COMMD1: variants seen among roughly 807,000 people sequenced by gnomAD.
The protein encoded by COMMD1 is COMM domain-containing protein 1.
A neutral mutation model predicts 17.2 loss-of-function variants in COMMD1; 10 were observed. The observed-to-expected ratio is 0.58, with a 90% CI of 0.36 to 0.99. The LOEUF (loss-of-function observed/expected upper bound fraction) is 0.99, where lower values mean the gene tolerates loss of function less well. Among genes scored for constraint, COMMD1 ranks in the 50% least tolerant of loss-of-function variants. The pLI is 0.01. For missense variants in COMMD1, 270 were observed against 231.8 expected, an observed-to-expected ratio of 1.17 and a Z score of -1.07; for synonymous variants, 97 against 91.6, an observed-to-expected ratio of 1.06 and a Z score of -0.34.
intron 1 of COMMD1, 96 bp downstream of exon 1, chr2:61,905,954 C>CTTTCGGCTTGTGA: frequency 1.6e-6 from 2 of 1,281,638 alleles, no homozygotes; most frequent in Non-Finnish European, 2.2e-6. Context: ...CCTCACAAGC[C>CTTTCGGCTTGTGA]GAAAGGCTTT....
chr2:61,975,241 G>A (rs1251194120), intron 1 of COMMD1, among the ~76,000 whole-genome samples: 3 of 147,554 alleles, frequency 2.0e-5, no homozygotes, highest in African/African-American at 5.0e-5. Flanking sequence ...GATATACTCC[G>A]GTTTTATTTA....
intron 2 of COMMD1, among the ~76,000 whole-genome samples, chr2:62,118,643 G>A (rs1052908313): frequency 2.0e-5 from 3 of 152,192 alleles, no homozygotes; most frequent in African/African-American, 7.2e-5. Flanking sequence ...TAGTTGTGGG[G>A]TAGGAGAGAT....
chr2:62,042,515 G>A (rs933102226), intron 2 of COMMD1, among the ~76,000 whole-genome samples: 7 of 152,268 alleles, frequency 4.6e-5, no homozygotes, highest in Non-Finnish European at 7.4e-5. Flanking sequence ...AGGTGCTGGC[G>A]GGCCGTGCCG....
At chr2:62,027,621 TTTATGTTATGTTATG>T (rs56724339) in intron 2 of COMMD1, among the ~76,000 whole-genome samples, 10 of 146,570 alleles carry the variant, frequency 6.8e-5, no homozygotes, top group South Asian at 2.1e-4. Context: ...TATGCCTTAA[TTTATGTTATGTTATG>T]TTATGTTATG....
chr2:62,071,386 C>T (rs1166752877), intron 2 of COMMD1, among the ~76,000 whole-genome samples: 2 of 152,222 alleles, frequency 1.3e-5, no homozygotes, highest in African/African-American at 2.4e-5. Context: ...TTTTTCACCA[C>T]ATGCTGTTTT....
chr2:61,932,173 C>G (rs1572975050), intron 1 of COMMD1, among the ~76,000 whole-genome samples: 1 of 152,200 alleles, frequency 6.6e-6, no homozygotes, highest in Non-Finnish European at 1.5e-5. Context: ...TCTTCCCTCT[C>G]TGCTTACATT....
chr2:62,129,905 G>A (rs919677258), intron 2 of COMMD1, among the ~76,000 whole-genome samples: 16 of 152,208 alleles, frequency 1.1e-4, no homozygotes, highest in Non-Finnish European at 2.1e-4. Context: ...GCCGGGCGCC[G>A]TGGCTTACGC....
intron 2 of COMMD1, among the ~76,000 whole-genome samples, chr2:62,022,591 ATTTT>A (rs773031097): frequency 7.4e-6 from 1 of 134,336 alleles, no homozygotes. Context: ...TAGTTTCACC[ATTTT>A]TTTTTTTTTG....
intron 2 of COMMD1, among the ~76,000 whole-genome samples, chr2:62,038,351 TATTAAGTA>T (rs1193944049): frequency 6.6e-6 from 1 of 152,108 alleles, no homozygotes; most frequent in Non-Finnish European, 1.5e-5. Flanking sequence ...AATCAAAATG[TATTAAGTA>T]ATGAAGATAT....
At chr2:62,067,485 A>G (rs537554687) in intron 2 of COMMD1, among the ~76,000 whole-genome samples, 8 of 152,346 alleles carry the variant, frequency 5.3e-5, no homozygotes, top group African/African-American at 1.4e-4. Context: ...AAAAAAGTTT[A>G]TGGCTGATGC....
Position 61,959,931 on chromosome 2 carries a change from C to T in COMMD1, c.181-40770C>T, listed in dbSNP as rs189860329. Among the ~76,000 whole-genome samples the T allele has an allele frequency of 4.6e-5, 7 of 152,262 alleles. No individual in the cohort carries two copies. The South Asian group carries it at 6.2e-4, about 14-fold the overall frequency. ...AGGACCTCACATTTTACACTTTACC[C>T]GATTGGCTGTTAGTTTAAAACTTTT... On this transcript the variant is annotated intron_variant, in intron 1 of 2. Transcript: ENST00000311832.
chr2:62,039,374 G>A (rs1670122457), intron 2 of COMMD1, among the ~76,000 whole-genome samples: 1 of 152,228 alleles, frequency 6.6e-6, no homozygotes, highest in African/African-American at 2.4e-5. Context: ...AAGAGAACAA[G>A]CCTGTGCTCT....
chr2:61,997,823 C>T (rs1263080838), intron 1 of COMMD1, among the ~76,000 whole-genome samples: 1 of 152,204 alleles, frequency 6.6e-6, no homozygotes, highest in Admixed American at 6.5e-5. Flanking sequence ...ATTGACTTCT[C>T]TCTAGCTGTG....
chr2:62,003,253 C>G (rs1379736043), intron 2 of COMMD1, among the ~76,000 whole-genome samples: 1 of 145,250 alleles, frequency 6.9e-6, no homozygotes. Flanking sequence ...CAAAACAAAA[C>G]AAAACAGGCC....
At chr2:61,894,132 C>T (rs1669501724) in intron 1 of COMMD1, among the ~76,000 whole-genome samples, 1 of 152,176 alleles carries the variant, frequency 6.6e-6, no homozygotes, top group African/African-American at 2.4e-5. Context: ...TGGAGTCTTG[C>T]TCTGTCACAC....
At chr2:62,122,906 G>A (rs1195082473) in intron 2 of COMMD1, among the ~76,000 whole-genome samples, 1 of 152,222 alleles carries the variant, frequency 6.6e-6, no homozygotes, top group African/African-American at 2.4e-5. Context: ...CACAGGCCCT[G>A]AGCCTGCAGA....
At chr2:62,062,876 C>G (rs1162079343) in intron 2 of COMMD1, among the ~76,000 whole-genome samples, 1 of 151,902 alleles carries the variant, frequency 6.6e-6, no homozygotes. Flanking sequence ...TCGTGACCAG[C>G]CTGGGCAACG....
chr2:61,906,403 TA>T (rs2105170897), intron 1 of COMMD1, among the ~76,000 whole-genome samples: 1 of 152,380 alleles, frequency 6.6e-6, no homozygotes, highest in African/African-American at 2.4e-5. Flanking sequence ...ATTTTAGTAA[TA>T]TATCTTATTT....
intron 2 of COMMD1, among the ~76,000 whole-genome samples, chr2:62,124,287 A>G (rs1411241275): frequency 6.6e-6 from 1 of 152,224 alleles, no homozygotes; most frequent in Non-Finnish European, 1.5e-5. Flanking sequence ...CAATGGAGCA[A>G]GACTCCATCT....
Sources: allele counts gnomAD v4.1 joint callset (sites outside exome capture counted in the v4.1 genomes callset), GRCh38; gene constraint gnomAD v4.1.1; transcripts MANE v1.5; gene names NCBI Gene and HGNC (gene_info 2026-07-23, HGNC 2026-07-21).